The following POLA1 variants were observed in gnomAD, a reference collection of about 807,000 sequenced individuals.
POLA1 encodes the protein DNA polymerase alpha catalytic subunit.
A neutral mutation model predicts 124.0 loss-of-function variants in POLA1; 15 were observed. The observed-to-expected ratio is 0.12, with a 90% CI of 0.08 to 0.19. POLA1 has a LOEUF of 0.19. Ranked by LOEUF, POLA1 falls within the 10% of genes least tolerant of loss-of-function variation. The pLI, the probability that POLA1 is intolerant of heterozygous loss-of-function variation, is 1.00. For synonymous variants in POLA1, 408 were observed against 389.4 expected (o/e 1.05, Z -0.56); for missense variants, 886 against 1,103.4 (o/e 0.80, Z 2.79).
At chrX:24,731,621 G>A (rs1170590652) in intron 15 of POLA1, among the ~76,000 whole-genome samples, 1 of 111,268 alleles carries the variant, frequency 9.0e-6, no homozygotes, top group African/African-American at 3.3e-5. Flanking sequence ...CAACTCAGGG[G>A]GTCTGGGAAT....
intron 35 of POLA1, among the ~76,000 whole-genome samples, chrX:24,908,152 A>G (rs1007696840): frequency 9.0e-6 from 1 of 111,471 alleles, no homozygotes; most frequent in African/African-American, 3.3e-5. Context: ...ATAAAATGGT[A>G]GCCCCAAAAT....
chrX:24,704,122 T>A (rs1569271697), intron 3 of POLA1, among the ~76,000 whole-genome samples: 1 of 111,868 alleles, frequency 8.9e-6, no homozygotes. Context: ...AAGCATCCTA[T>A]TGTGGCAGAC....
chrX:24,832,969 A>G (rs971276619), intron 32 of POLA1, among the ~76,000 whole-genome samples: 4 of 111,588 alleles, frequency 3.6e-5, no homozygotes, highest in Admixed American at 9.5e-5. Context: ...TATTACATAA[A>G]TAAGTTCTTT....
chrX:24,712,319 C>T (rs973756792), intron 4 of POLA1, among the ~76,000 whole-genome samples: 5 of 110,986 alleles, frequency 4.5e-5, no homozygotes, highest in East Asian at 2.9e-4. Flanking sequence ...CTCCTGACCT[C>T]GTATTCCGCC....
chrX:24,919,845 G>GT (rs10573475), intron 35 of POLA1, among the ~76,000 whole-genome samples: 1,049 of 34,772 alleles, frequency 0.03, 47 homozygotes, highest in African/African-American at 0.04. Flanking sequence ...TTGTTTTTCT[G>GT]TTTTTTTTTT....
At chrX:24,988,434 C>G (rs897516724) in intron 36 of POLA1, among the ~76,000 whole-genome samples, 2 of 112,584 alleles carry the variant, frequency 1.8e-5, no homozygotes, top group Middle Eastern at 9.2e-3. Flanking sequence ...AAAGCCAGTG[C>G]CAACTCCCAG....
intron 6 of POLA1, among the ~76,000 whole-genome samples, chrX:24,715,455 C>T (rs1439246068): frequency 2.7e-5 from 3 of 110,651 alleles, no homozygotes; most frequent in Non-Finnish European, 3.8e-5. Context: ...CCACCACGCC[C>T]GGCTAATATT....
chrX:24,975,900 C>T (rs1244729366), intron 36 of POLA1, among the ~76,000 whole-genome samples: 3 of 112,438 alleles, frequency 2.7e-5, no homozygotes, highest in African/African-American at 6.5e-5. Context: ...CAGCAGTAGA[C>T]GTCAAGGATG....
chrX:24,828,552 T>TC (rs1332361036), intron 32 of POLA1, among the ~76,000 whole-genome samples: 7 of 111,277 alleles, frequency 6.3e-5, no homozygotes, highest in African/African-American at 1.3e-4. Context: ...CTCACTGTAC[T>TC]CCCCCCCGCT....
chrX:24,714,629 A>G lies in POLA1; in HGVS notation c.422A>G (p.Lys141Arg). The change falls in exon 5 of 37, where the codon AAG becomes AGG. Residue 141 changes from lysine to arginine, a missense_variant. This residue lies in a region of POLA1 where 337 missense variants were observed against 402.8 expected (regional missense o/e 0.84). Transcript: ENST00000379068. ...KLAVTKPNNI[K>R]SMFIACAGKK... is the part of the protein sequence containing the mutation. ...GCAGTGACAAAACCGAACAACATTA[A>G]GTCAATGTTCATTGCTTGTGCTGGA... 1.7e-6 allele frequency: 2 copies of G among 1,194,456 alleles called. No homozygotes were observed. The highest frequency in any genetic ancestry group is 2.3e-6 in the Non-Finnish European group (2 of 881,756).
At chrX:24,757,028 C>A (rs1186979349) in intron 26 of POLA1, among the ~76,000 whole-genome samples, 3 of 110,519 alleles carry the variant, frequency 2.7e-5, no homozygotes, top group African/African-American at 3.3e-5. Context: ...ATGAGAATTT[C>A]TTTTAAGGCT....
intron 35 of POLA1, 72 bp from the exon 36 acceptor site, chrX:24,930,379 ACT>A (rs1234508488): frequency 8.8e-6 from 6 of 679,584 alleles, no homozygotes; most frequent in Non-Finnish European, 1.2e-5. Context: ...TAGGGGATAC[ACT>A]CTGCTGAGAG....
At chrX:24,756,529 C>T (rs1489950449) in intron 26 of POLA1, among the ~76,000 whole-genome samples, 1 of 107,683 alleles carries the variant, frequency 9.3e-6, no homozygotes, top group East Asian at 2.9e-4. Context: ...CATCACTGCA[C>T]ACCAGTCTGG....
intron 4 of POLA1, among the ~76,000 whole-genome samples, chrX:24,705,699 C>G (rs187788128): frequency 8.2e-5 from 9 of 110,072 alleles, no homozygotes; most frequent in Non-Finnish European, 1.3e-4. Context: ...CACCTCCCCC[C>G]CTCCCCTGCC....
chrX:24,745,616 T>A (rs1420116687), intron 24 of POLA1, 74 bp downstream of exon 24: 5 of 693,168 alleles, frequency 7.2e-6, no homozygotes, highest in Non-Finnish European at 6.7e-6. Flanking sequence ...TGTGTCTTTT[T>A]AAAATAGTTT....
intron 34 of POLA1, among the ~76,000 whole-genome samples, chrX:24,859,129 C>T (rs1262972827): frequency 9.0e-6 from 1 of 111,616 alleles, no homozygotes; most frequent in Non-Finnish European, 1.9e-5. Flanking sequence ...CTGGTCATCT[C>T]GTTCTTAGCT....
chrX:24,881,088 A>G (rs186772464), intron 34 of POLA1, among the ~76,000 whole-genome samples: 3 of 112,101 alleles, frequency 2.7e-5, no homozygotes, highest in Non-Finnish European at 5.6e-5. Context: ...TGCCGTCTAT[A>G]TCTTCACTAT....
chrX:24,792,672 A>G (rs965401003), intron 26 of POLA1, among the ~76,000 whole-genome samples: 2 of 112,473 alleles, frequency 1.8e-5, no homozygotes, highest in Admixed American at 9.4e-5. Flanking sequence ...ATTATTTTTC[A>G]GATATATCCT....
At chrX:24,849,020 G>GT (rs1337340764) in intron 34 of POLA1, among the ~76,000 whole-genome samples, 2 of 113,004 alleles carry the variant, frequency 1.8e-5, no homozygotes, top group Non-Finnish European at 3.7e-5. Flanking sequence ...TGGTTTGATA[G>GT]TTTTTAGGTT....
Sources: allele counts gnomAD v4.1 joint callset (sites outside exome capture counted in the v4.1 genomes callset), GRCh38; gene constraint gnomAD v4.1.1; regional missense constraint gnomAD v4.1.1; transcripts MANE v1.5; gene names NCBI Gene and HGNC (gene_info 2026-07-23, HGNC 2026-07-21).